The following FARP1 variants were observed in gnomAD, a reference collection of about 807,000 sequenced individuals.
The protein encoded by FARP1 is FERM, ARHGEF and pleckstrin domain-containing protein 1.
FARP1 carries 52 observed loss-of-function variants against 128.8 expected under a neutral mutation model. The ratio of observed to expected loss-of-function variants is 0.40; its 90% CI spans 0.32 to 0.51. FARP1 has a LOEUF of 0.51. Among genes scored for constraint, FARP1 ranks in the 20% least tolerant of loss-of-function variants. The pLI is 0.45. For synonymous variants in FARP1, 580 were observed against 551.8 expected (o/e 1.05, Z -0.72); for missense variants, 1,333 against 1,367.9 (o/e 0.97, Z 0.40).
intron 1 of FARP1, among the ~76,000 whole-genome samples, chr13:98,193,092 C>G (rs1195545251): frequency 1.3e-5 from 2 of 149,684 alleles, no homozygotes; most frequent in Non-Finnish European, 3.0e-5. Context: ...GAGTCTCACT[C>G]TGTTGCCCAG....
intron 16 of FARP1, among the ~76,000 whole-genome samples, chr13:98,420,556 T>G (rs1181557474): frequency 6.6e-6 from 1 of 152,334 alleles, no homozygotes; most frequent in South Asian, 2.1e-4. Flanking sequence ...TGAGGTGATG[T>G]GTAGTTGCTC....
rs761662858 is a variant in FARP1 at position 98,449,490 on chromosome 13, C to G, written c.*1173C>G. On this transcript the variant is annotated 3_prime_UTR_variant, in exon 27 of 27. Transcript: ENST00000319562. Reference sequence around the variant, plus strand: ...CTTGGTTTTCCTAAGCCCTTTCTAACGAGAGTCTCAAACAAGCGGAGGCGA... The same window carrying G: ...CTTGGTTTTCCTAAGCCCTTTCTAAGGAGAGTCTCAAACAAGCGGAGGCGA... 2.6e-5 allele frequency: 4 copies of G among 152,300 alleles called. No individual in the cohort carries two copies. The highest frequency in any genetic ancestry group is 2.6e-4 in the Admixed American group (4 of 15,264). 9.4% of individuals were successfully genotyped at this position (152,300 alleles called of 1,614,324 possible).
In FARP1 at chr13:98,154,991, C is replaced by T. The variant is rs1202701546; in HGVS notation, c.-24+11499C>T. On this transcript the variant is annotated intron_variant, in intron 1 of 26. Transcript: ENST00000319562. Reference sequence around the variant, plus strand: ...ACTTAGGAGGCTGAAGGTAGAGGATCGCTTGAGCCCAGGAGTTCCCAGCCT... The same window carrying T: ...ACTTAGGAGGCTGAAGGTAGAGGATTGCTTGAGCCCAGGAGTTCCCAGCCT... Among the ~76,000 whole-genome samples the T allele has an allele frequency of 7.2e-5, 11 of 152,182 alleles. No individual in the cohort carries two copies. The South Asian group carries it at 8.3e-4, about 11-fold the overall frequency.
At chr13:98,271,295 T>C (rs1351071974) in intron 2 of FARP1, among the ~76,000 whole-genome samples, 1 of 152,138 alleles carries the variant, frequency 6.6e-6, no homozygotes, top group African/African-American at 2.4e-5. Flanking sequence ...GGTGACGACT[T>C]TTTTCCAAGG....
intron 3 of FARP1, among the ~76,000 whole-genome samples, chr13:98,351,947 G>T (rs2139912655): frequency 6.6e-6 from 1 of 152,090 alleles, no homozygotes; most frequent in African/African-American, 2.4e-5. Flanking sequence ...GATTTGGAAG[G>T]GACAAATACC....
chr13:98,211,824 T>C (rs1370568066), intron 1 of FARP1, among the ~76,000 whole-genome samples: 6 of 152,258 alleles, frequency 3.9e-5, no homozygotes. Context: ...CATATAAATA[T>C]ACTGGCTGAG....
chr13:98,159,327 G>A (rs1876708329), intron 1 of FARP1, among the ~76,000 whole-genome samples: 1 of 152,218 alleles, frequency 6.6e-6, no homozygotes, highest in African/African-American at 2.4e-5. Flanking sequence ...GCTAATAAGT[G>A]AAGTCAGGGG....
chr13:98,426,166 G>A (rs1367845885), intron 17 of FARP1, among the ~76,000 whole-genome samples: 1 of 152,122 alleles, frequency 6.6e-6, no homozygotes, highest in Non-Finnish European at 1.5e-5. Context: ...TAGCTAAGTG[G>A]GTTAGCATTT....
At chr13:98,415,112 A>T (rs185244403) in intron 16 of FARP1, among the ~76,000 whole-genome samples, 11 of 152,340 alleles carry the variant, frequency 7.2e-5, no homozygotes, top group African/African-American at 2.6e-4. Flanking sequence ...TCATGTCCAG[A>T]CAGGATTTGT....
intron 18 of FARP1, chr13:98,434,466 A>G (rs1376374142): frequency 3.3e-5 from 5 of 152,208 alleles, no homozygotes. Context: ...CAACACTGAA[A>G]TGCTGGGGGA....
chr13:98,163,318 G>A (rs905390694), intron 1 of FARP1, among the ~76,000 whole-genome samples: 3 of 152,192 alleles, frequency 2.0e-5, no homozygotes, highest in East Asian at 1.9e-4. Flanking sequence ...GGGCCTACTT[G>A]GAGAAGGGTG....
chr13:98,311,025 A>C (rs545708223), intron 2 of FARP1, among the ~76,000 whole-genome samples: 2 of 152,322 alleles, frequency 1.3e-5, no homozygotes, highest in East Asian at 3.9e-4. Context: ...GGGAGGTAGT[A>C]AGGAAATTCA....
intron 16 of FARP1, among the ~76,000 whole-genome samples, chr13:98,419,247 G>T (rs1333618336): frequency 6.6e-6 from 1 of 152,176 alleles, no homozygotes; most frequent in Non-Finnish European, 1.5e-5. Context: ...GCCGAGGTGG[G>T]TGGATCACCT....
chr13:98,295,267 C>T (rs555240949), intron 2 of FARP1, among the ~76,000 whole-genome samples: 4 of 152,092 alleles, frequency 2.6e-5, no homozygotes, highest in East Asian at 3.9e-4. Context: ...GGGCAGGAAT[C>T]GTAAATTGAT....
chr13:98,279,638 G>C (rs1289632460), intron 2 of FARP1, among the ~76,000 whole-genome samples: 1 of 152,232 alleles, frequency 6.6e-6, no homozygotes, highest in Non-Finnish European at 1.5e-5. Flanking sequence ...TGCAGAGGCT[G>C]GTTCTGTTCG....
intron 2 of FARP1, among the ~76,000 whole-genome samples, chr13:98,264,925 C>A (rs557063930): frequency 1.3e-5 from 2 of 152,290 alleles, no homozygotes; most frequent in African/African-American, 4.8e-5. Context: ...AAGTCCACGC[C>A]ACCTCTGTAC....
At chr13:98,308,407 A>G (rs1886279913) in intron 2 of FARP1, among the ~76,000 whole-genome samples, 1 of 151,916 alleles carries the variant, frequency 6.6e-6, no homozygotes, top group Non-Finnish European at 1.5e-5. Flanking sequence ...CAAACGTGGT[A>G]CCCCCTTAGG....
At chr13:98,332,388 A>G (rs1887547989) in intron 2 of FARP1, 1 of 152,208 alleles carries the variant, frequency 6.6e-6, no homozygotes, top group Non-Finnish European at 1.5e-5. Context: ...AATACCAAGT[A>G]TCTGGTTAGA....
At chr13:98,426,096 A>G (rs572068656) in intron 17 of FARP1, among the ~76,000 whole-genome samples, 8 of 152,310 alleles carry the variant, frequency 5.3e-5, no homozygotes, top group Non-Finnish European at 5.9e-5. Flanking sequence ...AGCACCTACT[A>G]TACACAAGAC....
Sources: allele counts gnomAD v4.1 joint callset (sites outside exome capture counted in the v4.1 genomes callset), GRCh38; gene constraint gnomAD v4.1.1; transcripts MANE v1.5; gene names NCBI Gene and HGNC (gene_info 2026-07-23, HGNC 2026-07-21).